HCN1: variants seen among roughly 807,000 people sequenced by gnomAD.
The protein encoded by HCN1 is hyperpolarization activated cyclic nucleotide gated potassium channel 1, also known as potassium/sodium hyperpolarization-activated cyclic nucleotide-gated channel 1.
In HCN1, 13 loss-of-function variants were observed where a neutral mutation model predicts 78.9. The ratio of observed to expected loss-of-function variants is 0.16; its 90% CI spans 0.11 to 0.26. HCN1 has a LOEUF of 0.26. HCN1 is among the 10% of genes least tolerant of loss of function. The pLI, the probability that HCN1 is intolerant of heterozygous loss-of-function variation, is 1.00. For missense variants in HCN1, 810 were observed against 1,154.3 expected (o/e 0.70, Z 4.32); for synonymous variants, 552 against 455.5 (o/e 1.21, Z -2.70).
At chr5:45,477,739 T>A (rs1741548742) in intron 2 of HCN1, among the ~76,000 whole-genome samples, 1 of 151,866 alleles carries the variant, frequency 6.6e-6, no homozygotes, top group African/African-American at 2.4e-5. Flanking sequence ...AACACCCAAA[T>A]AGAAAATAAT....
At chr5:45,376,280 T>TATAGAATATATATTCTATATTCC (rs1561132458) in intron 4 of HCN1, among the ~76,000 whole-genome samples, 13 of 135,540 alleles carry the variant, frequency 9.6e-5, no homozygotes, top group East Asian at 2.1e-4. Context: ...CTATATAGAA[T>TATAGAATATATATTCTATATTCC]ATATAGATAT....
At chr5:45,332,296 G>A (rs1165812542) in intron 5 of HCN1, among the ~76,000 whole-genome samples, 5 of 151,156 alleles carry the variant, frequency 3.3e-5, no homozygotes, top group African/African-American at 1.2e-4. Context: ...TGGAAAGTTG[G>A]GTATCCATCC....
intron 5 of HCN1, among the ~76,000 whole-genome samples, chr5:45,305,058 G>T (rs1372822451): frequency 6.6e-6 from 1 of 152,054 alleles, no homozygotes; most frequent in African/African-American, 2.4e-5. Context: ...AAAAAAGGTT[G>T]GGACTGCATT....
At chr5:45,401,073 C>A (rs1416131321) in intron 3 of HCN1, among the ~76,000 whole-genome samples, 1 of 152,152 alleles carries the variant, frequency 6.6e-6, no homozygotes, top group Non-Finnish European at 1.5e-5. Flanking sequence ...TAATTAAAAA[C>A]TTTATCCATA....
rs559412364 is a variant in HCN1, at chr5:45,580,807, C to T, written c.849+64378G>A. ...TGCGGTGTTTGGTTTTTTGTCCTCG[C>T]GATAGTTTGCTGAGAATGATGGCTT... On this transcript the variant is annotated intron_variant, in intron 2 of 7. Transcript: ENST00000303230. Among the ~76,000 whole-genome samples the T allele has an allele frequency of 3.3e-4, 50 of 152,048 alleles. No individual in the cohort carries two copies. The South Asian group carries it at 5.2e-3, about 16-fold the overall frequency.
At position 45,257,486 on chromosome 5, in the gene HCN1, T is replaced by C. The variant is rs1320187453; in HGVS notation, c.*4435A>G. On this transcript the variant is annotated 3_prime_UTR_variant, in exon 8 of 8. Transcript: ENST00000303230. The stretch of plus-strand genomic sequence containing the variant: ...AATTCAGAGCATTATCTGTAGGTTC[T>C]TTTAAGATCATCTTTAAATAATTTT... The C allele has an allele frequency of 1.3e-5, 2 of 152,226 alleles. No individual in the cohort carries two copies. The highest frequency in any genetic ancestry group is 2.9e-5 in the Non-Finnish European group (2 of 68,048). 9.4% of individuals were successfully genotyped at this position (152,226 alleles called of 1,614,324 possible).
intron 5 of HCN1, 87 bp from the exon 6 acceptor site, chr5:45,303,926 C>T (rs1374619547): frequency 8.8e-7 from 1 of 1,136,328 alleles, no homozygotes. Context: ...ATATATACAG[C>T]ATAACATTGT....
intron 3 of HCN1, among the ~76,000 whole-genome samples, chr5:45,430,055 C>G (rs554709975): frequency 5.7e-4 from 87 of 151,768 alleles, no homozygotes; most frequent in African/African-American, 1.7e-3. Flanking sequence ...TAAAGAAATA[C>G]AAACACAAAA....
At chr5:45,662,806 A>G (rs1243433760) in intron 1 of HCN1, among the ~76,000 whole-genome samples, 1 of 6,016 alleles carries the variant, frequency 1.7e-4, no homozygotes, top group Non-Finnish European at 3.7e-4. Context: ...GAAATAAAAG[A>G]GGACACAAAC....
At position 45,323,441 on chromosome 5, in the gene HCN1, G is replaced by T. The variant is rs151222881; in HGVS notation, c.1378-19602C>A. On this transcript the variant is annotated intron_variant, in intron 5 of 7. Coordinates refer to ENST00000303230, the MANE Select transcript of HCN1 (RefSeq NM_021072.4). ...GTAAGCACTGCTGTAGAACAATCATGATATCATATAGAAGGGAATGAAAAA... is the reference window on the plus strand; with the variant it reads ...GTAAGCACTGCTGTAGAACAATCATTATATCATATAGAAGGGAATGAAAAA... 4.5e-3 allele frequency among the ~76,000 whole-genome samples: 687 copies of T among 151,878 alleles called. 6 individuals are homozygous for T. The highest frequency in any genetic ancestry group is 7.9e-3 in the Non-Finnish European group (533 of 67,880).
At chr5:45,478,413 T>C (rs777440897) in intron 2 of HCN1, among the ~76,000 whole-genome samples, 3 of 152,168 alleles carry the variant, frequency 2.0e-5, no homozygotes, top group East Asian at 3.8e-4. Flanking sequence ...CACAACAATG[T>C]CAAAGCTGAG....
chr5:45,311,349 C>A (rs1304360202), intron 5 of HCN1, among the ~76,000 whole-genome samples: 3 of 151,930 alleles, frequency 2.0e-5, no homozygotes, highest in African/African-American at 7.3e-5. Context: ...TCAAGTTGCC[C>A]ACTAGCAAAA....
At chr5:45,406,297 ATAAG>A (rs1287272287) in intron 3 of HCN1, among the ~76,000 whole-genome samples, 1 of 152,170 alleles carries the variant, frequency 6.6e-6, no homozygotes, top group East Asian at 1.9e-4. Flanking sequence ...ATGTTTATAT[ATAAG>A]TATTAGTGAA....
Position 45,266,643 on chromosome 5 carries a change from G to A in HCN1, c.1783+446C>T, listed in dbSNP as rs557717181. On this transcript the variant is annotated intron_variant, in intron 7 of 7. Transcript: ENST00000303230. ...GGGACCCAGATCTCTCAAGAAATACGGCTACAGCTAATTGCTATTTCTACA... is the reference window on the plus strand; with the variant it reads ...GGGACCCAGATCTCTCAAGAAATACAGCTACAGCTAATTGCTATTTCTACA... Among the ~76,000 whole-genome samples, 15 of 151,360 alleles carry A rather than the reference G, an allele frequency of 9.9e-5. No individual in the cohort carries two copies. The South Asian group carries it at 1.0e-3, about 11-fold the overall frequency.
At chr5:45,537,168 C>T (rs1313405911) in intron 2 of HCN1, among the ~76,000 whole-genome samples, 1 of 152,088 alleles carries the variant, frequency 6.6e-6, no homozygotes, top group Non-Finnish European at 1.5e-5. Context: ...TAGGGTACTG[C>T]CTTAGGCATA....
intron 2 of HCN1, among the ~76,000 whole-genome samples, chr5:45,564,513 CCTA>C (rs1743669253): frequency 6.6e-6 from 1 of 152,188 alleles, no homozygotes; most frequent in Admixed American, 6.5e-5. Context: ...GAAGCTTTTA[CCTA>C]CAACTCCTAT....
chr5:45,352,861 T>G lies in HCN1; in HGVS notation c.1377+239A>C, dbSNP rs183644249. On this transcript the variant is annotated intron_variant, in intron 5 of 7. Coordinates refer to ENST00000303230, the MANE Select transcript of HCN1 (RefSeq NM_021072.4). ...AGACAATGAGGCCACAAGAAGGAAT[T>G]TTAAAGAGCCAGAAATACAGACAAG... Among the ~76,000 whole-genome samples, 29 of 151,952 alleles carry G rather than the reference T, an allele frequency of 1.9e-4. No homozygotes were observed. The East Asian group carries it at 5.3e-3, about 28-fold the overall frequency.
chr5:45,518,583 G>A (rs755030945), intron 2 of HCN1, among the ~76,000 whole-genome samples: 7 of 152,024 alleles, frequency 4.6e-5, no homozygotes, highest in African/African-American at 7.2e-5. Context: ...GCCCAACGAC[G>A]TAAATACTGT....
At chr5:45,523,811 G>T (rs1261215660) in intron 2 of HCN1, among the ~76,000 whole-genome samples, 1 of 152,080 alleles carries the variant, frequency 6.6e-6, no homozygotes, top group Non-Finnish European at 1.5e-5. Context: ...TTTGTAGGTT[G>T]CCTGTTCACT....
Sources: gnomAD v4.1 joint callset for allele counts (sites outside exome capture counted in the v4.1 genomes callset) on GRCh38, gnomAD v4.1.1 for gene constraint, MANE v1.5 for transcripts, NCBI Gene and HGNC (gene_info 2026-07-23, HGNC 2026-07-21) for gene names.